CHODL: variants seen among roughly 807,000 people sequenced by gnomAD.
CHODL encodes chondrolectin, also known as transmembrane protein MT75.
A neutral mutation model predicts 34.5 loss-of-function variants in CHODL; 29 were observed. The observed-to-expected ratio is 0.84, with a 90% CI of 0.63 to 1.15. CHODL has a LOEUF of 1.15. CHODL is among the 50% of genes most tolerant of loss of function. CHODL has a pLI of 0.00. For missense variants in CHODL, 332 were observed against 332.5 expected (o/e 1.00, Z 0.01); for synonymous variants, 125 against 116.1 (o/e 1.08, Z -0.49).
At chr21:18,043,089 G>A (rs2064396240) in intron 2 of CHODL, among the ~76,000 whole-genome samples, 1 of 151,958 alleles carries the variant, frequency 6.6e-6, no homozygotes, top group Non-Finnish European at 1.5e-5. Context: ...ACACAGAGAA[G>A]GGAAATTGGT....
At chr21:18,242,066 T>C (rs568555707), upstream of CHODL, among the ~76,000 whole-genome samples, 67 of 152,186 alleles carry the variant, frequency 4.4e-4, no homozygotes, top group Non-Finnish European at 8.5e-4. Flanking sequence ...AGTCATATGG[T>C]CTTGTTTGGT....
chr21:18,192,719 A>C (rs1336478124), intron 2 of CHODL, among the ~76,000 whole-genome samples: 1 of 152,142 alleles, frequency 6.6e-6, no homozygotes, highest in Non-Finnish European at 1.5e-5. Flanking sequence ...CAACATGGTC[A>C]ATAAAATTTT....
intron 2 of CHODL, among the ~76,000 whole-genome samples, chr21:18,096,524 T>C (rs1216149587): frequency 6.6e-6 from 1 of 152,008 alleles, no homozygotes; most frequent in African/African-American, 2.4e-5. Flanking sequence ...ACTCTGGGAG[T>C]GTCTGTCTTA....
intron 2 of CHODL, among the ~76,000 whole-genome samples, chr21:18,166,237 C>T (rs1348040115): frequency 1.3e-5 from 2 of 152,156 alleles, no homozygotes; most frequent in South Asian, 2.1e-4. Context: ...GCCACATGTG[C>T]CCCACAAGCT....
At position 18,239,077 on chromosome 21, in the gene CHODL, T is replaced by C. The variant is rs535846514; in HGVS notation, c.-44-17432T>C. On this transcript the variant is annotated intron_variant, in intron 2 of 6. Coordinates refer to the CHODL transcript ENST00000400127. Reference sequence around the variant, plus strand: ...AACATGCTCCGTTAAATTTTTCTGCTGTAAAGGATCAAGCAATAGAAATAC... The same window carrying C: ...AACATGCTCCGTTAAATTTTTCTGCCGTAAAGGATCAAGCAATAGAAATAC... Among the ~76,000 whole-genome samples the C allele has an allele frequency of 4.6e-5, 7 of 152,286 alleles. 1 individual carries two copies. The South Asian group carries it at 1.4e-3, about 32-fold the overall frequency.
intron 1 of CHODL, among the ~76,000 whole-genome samples, chr21:17,967,790 T>C (rs991754967): frequency 5.9e-5 from 9 of 152,136 alleles, no homozygotes; most frequent in African/African-American, 2.2e-4. Context: ...TCAGGGTCAA[T>C]CGATTAATCA....
chr21:18,176,220 T>C (rs2073309800), intron 2 of CHODL, among the ~76,000 whole-genome samples: 1 of 151,920 alleles, frequency 6.6e-6, no homozygotes, highest in African/African-American at 2.4e-5. Flanking sequence ...GGCAAAGAAA[T>C]ATGTGAAAAA....
chr21:18,053,279 C>T (rs188268606), intron 2 of CHODL, among the ~76,000 whole-genome samples: 1 of 151,940 alleles, frequency 6.6e-6, no homozygotes, highest in Admixed American at 6.6e-5. Flanking sequence ...TTTCTCTTGC[C>T]AAAGAACCAT....
chr21:18,211,546 G>A lies in CHODL; in HGVS notation c.-44-44963G>A, dbSNP rs544190515. Among the ~76,000 whole-genome samples the A allele has an allele frequency of 2.0e-5, 3 of 152,312 alleles. No homozygotes were observed. In the South Asian group the frequency reaches 6.2e-4, roughly 32 times the overall value. On this transcript the variant is annotated intron_variant, in intron 2 of 6. Transcript: ENST00000400127. ...ATTGTGAGTTAGACTAGGACATTCT[G>A]GAAATTCTATGCCTGAGACCCACAG...
At chr21:18,050,751 T>C (rs190349201) in intron 2 of CHODL, among the ~76,000 whole-genome samples, 5 of 151,794 alleles carry the variant, frequency 3.3e-5, no homozygotes, top group African/African-American at 1.2e-4. Context: ...GGTTGGGTCA[T>C]GTTGACTTTG....
intron 2 of CHODL, among the ~76,000 whole-genome samples, chr21:18,126,451 G>A (rs959531104): frequency 3.9e-5 from 6 of 152,122 alleles, no homozygotes; most frequent in African/African-American, 9.7e-5. Context: ...CTTTATTACG[G>A]TTGTCTACAA....
intron 5 of CHODL, among the ~76,000 whole-genome samples, chr21:18,265,310 C>CATATATAT (rs149734647): frequency 5.6e-4 from 82 of 147,216 alleles, no homozygotes; most frequent in African/African-American, 2.0e-3. Context: ...CACACACACA[C>CATATATAT]ATATATATAT....
At chr21:18,085,134 A>G (rs1002530334) in intron 2 of CHODL, among the ~76,000 whole-genome samples, 2 of 151,876 alleles carry the variant, frequency 1.3e-5, no homozygotes, top group African/African-American at 4.8e-5. Flanking sequence ...ATTTGTGTGG[A>G]ATATCTTTTT....
intron 5 of CHODL, among the ~76,000 whole-genome samples, chr21:18,264,762 A>G (rs2074430789): frequency 1.3e-5 from 2 of 152,092 alleles, no homozygotes; most frequent in Admixed American, 6.6e-5. Context: ...TCCAAATGTG[A>G]CAAGGGTGAA....
At chr21:18,105,594 C>T (rs576444428) in intron 2 of CHODL, among the ~76,000 whole-genome samples, 18 of 152,206 alleles carry the variant, frequency 1.2e-4, no homozygotes, top group Non-Finnish European at 2.1e-4. Context: ...GCTGCACATT[C>T]GAGTACCCTA....
chr21:17,934,430 ACT>A (rs71189569), intron 1 of CHODL, among the ~76,000 whole-genome samples: 5 of 147,002 alleles, frequency 3.4e-5, no homozygotes, highest in Non-Finnish European at 3.0e-5. Flanking sequence ...TCTGTCTTTC[ACT>A]CTCTCTCTCT....
chr21:18,076,279 G>A (rs1457201810), intron 2 of CHODL, among the ~76,000 whole-genome samples: 1 of 152,196 alleles, frequency 6.6e-6, no homozygotes, highest in Non-Finnish European at 1.5e-5. Context: ...GAAGGTAAAG[G>A]CCATGCTGAT....
At chr21:18,158,644 A>G (rs980505976) in intron 2 of CHODL, among the ~76,000 whole-genome samples, 2 of 152,010 alleles carry the variant, frequency 1.3e-5, no homozygotes, top group Non-Finnish European at 2.9e-5. Context: ...TCAAGACCAG[A>G]CTGGCCAACA....
intron 2 of CHODL, among the ~76,000 whole-genome samples, chr21:18,030,079 G>C (rs982504556): frequency 6.6e-6 from 1 of 152,072 alleles, no homozygotes; most frequent in African/African-American, 2.4e-5. Context: ...TTGTGCCCTC[G>C]AGTAATCTTC....
Sources: allele counts gnomAD v4.1 joint callset (sites outside exome capture counted in the v4.1 genomes callset), GRCh38; gene constraint gnomAD v4.1.1; transcripts MANE v1.5; gene names NCBI Gene and HGNC (gene_info 2026-07-23, HGNC 2026-07-21).